Variants in TICAM1 observed in about 807,000 individuals in gnomAD.
TICAM1 encodes the protein TIR domain containing adaptor molecule 1.
For synonymous variants in TICAM1, 439 were observed against 415.4 expected, an observed-to-expected ratio of 1.06 and a Z score of -0.69; for missense variants, 895 against 938.2, an observed-to-expected ratio of 0.95 and a Z score of 0.60.
rs200318863 is a variant in TICAM1 at position 4,816,578 on chromosome 19, C to T, written c.1800G>A (p.Gly600=). ...AFGSHMSFGT[G]APYGARMPFG... ...AGGGCATTCGAGCCCCATAGGGCGC[C>T]CCAGTCCCAAATGACATGTGGCTCC... The change falls in exon 2 of 2, where the codon GGG becomes GGA. Residue 600 remains glycine, a synonymous_variant. Coordinates refer to ENST00000248244, the MANE Select transcript of TICAM1 (RefSeq NM_182919.4). This position sits in a 1 kb window ranked among gnomAD's most constrained non-coding sequence, Gnocchi z 4.3. 28 of 1,613,334 alleles carry T rather than the reference C, an allele frequency of 1.7e-5. No individual in the cohort carries two copies. In the East Asian group the frequency reaches 1.8e-4, roughly 10 times the overall value.
chr19:4,825,193 T>C (rs1269978057), intron 1 of TICAM1, among the ~76,000 whole-genome samples: 2 of 151,604 alleles, frequency 1.3e-5, no homozygotes, highest in Non-Finnish European at 1.5e-5. Context: ...GGGAGGAGAA[T>C]TGCTGGAACC....
At chr19:4,822,473 C>T (rs1041376612) in intron 1 of TICAM1, among the ~76,000 whole-genome samples, 1 of 152,300 alleles carries the variant, frequency 6.6e-6, no homozygotes, top group East Asian at 1.9e-4. Context: ...GAACTCCTGA[C>T]CTTGTGTGAT....
At chr19:4,822,696 GAA>G (rs1276282918) in intron 1 of TICAM1, among the ~76,000 whole-genome samples, 2 of 152,190 alleles carry the variant, frequency 1.3e-5, no homozygotes, top group African/African-American at 4.8e-5. Context: ...ACCCTTGACA[GAA>G]AAAGCTTGTA....
chr19:4,827,974 C>T (rs1300294090), intron 1 of TICAM1, among the ~76,000 whole-genome samples: 5 of 151,990 alleles, frequency 3.3e-5, no homozygotes, highest in South Asian at 2.1e-4. Context: ...TACATTGGCA[C>T]GTACCCTCCA....
chr19:4,821,779 G>A, intron 1 of TICAM1, among the ~76,000 whole-genome samples: 1 of 150,652 alleles, frequency 6.6e-6, no homozygotes, highest in East Asian at 2.0e-4. Flanking sequence ...CAAGTAGCTG[G>A]GATTACAGGC....
Position 4,818,432 on chromosome 19 carries a change from T to C in TICAM1, c.-55A>G. 1 of 1,520,864 alleles carries C rather than the reference T, an allele frequency of 6.6e-7. No individual in the cohort carries two copies. The highest frequency in any genetic ancestry group is 8.8e-7 in the Non-Finnish European group (1 of 1,136,262). The allele number at this position is 1,520,864 out of a possible 1,614,324, so 94.2% of individuals were successfully genotyped here. ...AGAAGCTGGAGGTGGTGAAGGCATG[T>C]TCCACACTGCCCCCCGCCTTCTGCA... is the stretch of plus-strand genomic sequence containing the variant. On this transcript the variant is annotated 5_prime_UTR_variant, in exon 2 of 2. Transcript: ENST00000248244. The surrounding 1 kb of genome is among the most constrained non-coding windows in gnomAD (Gnocchi z 4.0).
In TICAM1 at chr19:4,817,723, T is replaced by G. The variant is rs1484557050; in HGVS notation, c.655A>C (p.Ser219Arg). 6.2e-7 allele frequency: 1 copy of G among 1,600,982 alleles called. No homozygotes were observed. ...GGCCCATGTGGGCTGCGGTGCAGGC[T>G]GAGGAAGGGCATGGTAGGGGACTGG... The part of the protein sequence containing the change: ...ISQSPTMPFL[S>R]LHRSPHGPSK... Residue 219 changes from serine (S) to arginine (R), a missense_variant, in exon 2 of 2, where the codon AGC becomes CGC. By Grantham distance (110) the Ser-to-Arg change is moderately radical. Coordinates refer to ENST00000248244, the MANE Select transcript of TICAM1 (RefSeq NM_182919.4). This position sits in a 1 kb window ranked among gnomAD's most constrained non-coding sequence, Gnocchi z 4.7.
chr19:4,820,368 C>T (rs577844759), intron 1 of TICAM1, among the ~76,000 whole-genome samples: 11 of 148,590 alleles, frequency 7.4e-5, no homozygotes, highest in Non-Finnish European at 1.0e-4. Flanking sequence ...TGCAGTGAAC[C>T]GAGACTGCAC....
chr19:4,821,761 C>T (rs1412667577), intron 1 of TICAM1, among the ~76,000 whole-genome samples: 8 of 151,604 alleles, frequency 5.3e-5, no homozygotes, highest in African/African-American at 1.9e-4. Flanking sequence ...TCTTCTGCCT[C>T]ATCCTCCCAA....
At chr19:4,824,357 CAG>C (rs1467703150) in intron 1 of TICAM1, among the ~76,000 whole-genome samples, 1 of 119,224 alleles carries the variant, frequency 8.4e-6, no homozygotes, top group Non-Finnish European at 1.6e-5. Flanking sequence ...TTTTTGGAGA[CAG>C]AGTCTCGCTC....
intron 1 of TICAM1, among the ~76,000 whole-genome samples, chr19:4,825,792 T>C (rs1020546607): frequency 2.0e-5 from 3 of 151,900 alleles, no homozygotes; most frequent in Non-Finnish European, 2.9e-5. Context: ...ACCCTGTCTC[T>C]ACTAAAAATA....
chr19:4,821,023 T>A (rs1168924417), intron 1 of TICAM1, among the ~76,000 whole-genome samples: 1 of 105,140 alleles, frequency 9.5e-6, no homozygotes, highest in Non-Finnish European at 1.8e-5. Flanking sequence ...GAAACTCCCG[T>A]CTCTAGTAAA....
At chr19:4,827,372 C>CAAAAAAAAAAAAAAAAAA (rs57574607) in intron 1 of TICAM1, among the ~76,000 whole-genome samples, 13 of 54,172 alleles carry the variant, frequency 2.4e-4, no homozygotes, top group African/African-American at 6.0e-4. Context: ...ACTCTGTCTC[C>CAAAAAAAAAAAAAAAAAA]AAAAAAAAAA....
chr19:4,828,729 A>T (rs1387054492), intron 1 of TICAM1, among the ~76,000 whole-genome samples: 2 of 133,808 alleles, frequency 1.5e-5, no homozygotes, highest in African/African-American at 5.7e-5. Context: ...TCTGAGACCG[A>T]ATCTCCCTCT....
At position 4,817,944 on chromosome 19, in the gene TICAM1, C is replaced by A. The variant is rs753365777; in HGVS notation, c.434G>T (p.Gly145Val). ...ELQDEARNRC[G>V]WDIAGDPGSI... ...CCCTGGATCCCCAGCAATGTCCCAC[C>A]CACACCGGTTTCGGGCCTCATCCTG... Residue 145 changes from glycine (G) to valine (V), a missense_variant, in exon 2 of 2, where the codon GGG (glycine) becomes GTG (valine). Physicochemically the swap from Gly to Val is moderately radical, Grantham distance 109. Coordinates refer to ENST00000248244, the MANE Select transcript of TICAM1 (RefSeq NM_182919.4). The surrounding 1 kb of genome is among the most constrained non-coding windows in gnomAD (Gnocchi z 4.7). The A allele has an allele frequency of 4.8e-5, 77 of 1,613,884 alleles. No individual in the cohort carries two copies. In the South Asian group the frequency reaches 8.3e-4, roughly 17 times the overall value.
In TICAM1 at chr19:4,818,609, C is replaced by T; in HGVS notation, c.-139-93G>A. The T allele has an allele frequency of 1.3e-6, 1 of 781,742 alleles. No individual in the cohort carries two copies. The highest frequency in any genetic ancestry group is 1.9e-6 in the Non-Finnish European group (1 of 537,530). The allele number at this position is 781,742 out of a possible 1,614,324, so 48.4% of individuals were successfully genotyped here. A position where few individuals can be genotyped will look rare whatever the true frequency, so the allele number is the denominator to read the frequency against. ...CACCCCCGCCTGCTTTCCCCGCCTG[C>T]CACCCAGACCTAGCCAGGTGACCTT... On this transcript the variant is annotated intron_variant, in intron 1 of 1. Coordinates refer to ENST00000248244, the MANE Select transcript of TICAM1 (RefSeq NM_182919.4). The surrounding 1 kb of genome is among the most constrained non-coding windows in gnomAD (Gnocchi z 4.0).
At position 4,817,640 on chromosome 19, in the gene TICAM1, G is replaced by A. The variant is rs761353866; in HGVS notation, c.738C>T (p.Gly246=). 8 of 1,584,944 alleles carry A rather than the reference G, an allele frequency of 5.0e-6. No individual in the cohort carries two copies. The highest frequency in any genetic ancestry group is 6.9e-6 in the Non-Finnish European group (8 of 1,165,498). ...AGCTCATCTCCTCAGGCTCCTGGCA[G>A]CCACCGGGGACAGGCTCGGGCACCA... ...ASLVPEPVPG[G]CQEPEEMSWP... Residue 246 remains glycine, a synonymous_variant, in exon 2 of 2, where the codon GGC becomes GGT. Transcript: ENST00000248244. This position sits in a 1 kb window ranked among gnomAD's most constrained non-coding sequence, Gnocchi z 4.7.
At chr19:4,821,785 C>T (rs2093597971) in intron 1 of TICAM1, among the ~76,000 whole-genome samples, 1 of 151,802 alleles carries the variant, frequency 6.6e-6, no homozygotes, top group Non-Finnish European at 1.5e-5. Context: ...GCTGGGATTA[C>T]AGGCATGCAC....
In TICAM1 at chr19:4,816,037, A is replaced by G. The variant is rs941380420; in HGVS notation, c.*202T>C. ...GATTGGAATTGTAAACACCGTATCC[A>G]GTTCTGACCACCCTGAAAGCCAGGG... On this transcript the variant is annotated 3_prime_UTR_variant, in exon 2 of 2. Coordinates refer to ENST00000248244, the MANE Select transcript of TICAM1 (RefSeq NM_182919.4). The surrounding 1 kb of genome is among the most constrained non-coding windows in gnomAD (Gnocchi z 4.3). 5 of 653,946 alleles carry G rather than the reference A, an allele frequency of 7.6e-6. No individual in the cohort carries two copies. The highest frequency in any genetic ancestry group is 3.8e-5 in the African/African-American group (2 of 53,154). 40.5% of individuals were successfully genotyped at this position (653,946 alleles called of 1,614,324 possible).
Sources: allele counts gnomAD v4.1 joint callset (sites outside exome capture counted in the v4.1 genomes callset), GRCh38; gene constraint gnomAD v4.1.1; non-coding constraint Gnocchi (gnomAD v3.1); transcripts MANE v1.5; gene names NCBI Gene and HGNC (gene_info 2026-07-23, HGNC 2026-07-21).